The following CENPW variants were observed in gnomAD, a reference collection of about 807,000 sequenced individuals.
CENPW encodes cancer-up-regulated gene 2 protein.
Under a neutral mutation model 11.1 loss-of-function variants are expected in CENPW, and 3 were observed. That is an observed-to-expected ratio of 0.27 (90% CI 0.12 to 0.70). CENPW has a LOEUF of 0.70. CENPW is among the 30% of genes least tolerant of loss of function. The probability of loss-of-function intolerance (pLI) is 0.77; values close to 1 mark genes in which losing one functional copy is unlikely to be tolerated. For synonymous variants in CENPW, 38 were observed against 42.0 expected, an observed-to-expected ratio of 0.91 and a Z score of 0.37; for missense variants, 100 against 105.6, an observed-to-expected ratio of 0.95 and a Z score of 0.23.
At chr6:126,383,219 A>T in the CENPW span, among the ~76,000 whole-genome samples, 8 of 152,324 alleles carry the variant, frequency 5.3e-5, no homozygotes, top group East Asian at 1.5e-3. Flanking sequence ...TCAGACAAGC[A>T]AATTCTGAGG....
the CENPW span, among the ~76,000 whole-genome samples, chr6:126,418,837 A>T: frequency 6.7e-6 from 1 of 149,594 alleles, no homozygotes; most frequent in Non-Finnish European, 1.5e-5. Context: ...AAGGACAAAA[A>T]GCCGAACACC....
chr6:126,430,262 G>C, the CENPW span, among the ~76,000 whole-genome samples: 1 of 152,116 alleles, frequency 6.6e-6, no homozygotes, highest in East Asian at 1.9e-4. Flanking sequence ...TTACAAACAA[G>C]TGATGAAGGG....
the CENPW span, among the ~76,000 whole-genome samples, chr6:126,406,859 A>G: frequency 6.6e-6 from 1 of 152,094 alleles, no homozygotes; most frequent in African/African-American, 2.4e-5. Context: ...CCTGGAAAAA[A>G]AAAAAAAAGT....
the CENPW span, among the ~76,000 whole-genome samples, chr6:126,414,799 T>C: frequency 1.0e-4 from 15 of 146,566 alleles, no homozygotes; most frequent in African/African-American, 3.8e-4. Flanking sequence ...AAAATAAAAC[T>C]AAAAAAAAAG....
the CENPW span, among the ~76,000 whole-genome samples, chr6:126,462,576 T>A: frequency 6.6e-6 from 1 of 150,702 alleles, no homozygotes; most frequent in Non-Finnish European, 1.5e-5. Context: ...TCTCTTACTC[T>A]CTTTCTTGCT....
chr6:126,374,812 A>G, the CENPW span, among the ~76,000 whole-genome samples: 25 of 152,348 alleles, frequency 1.6e-4, no homozygotes, highest in Non-Finnish European at 2.6e-4. Context: ...TACTAGCTAT[A>G]TGAGTAGCTC....
the CENPW span, among the ~76,000 whole-genome samples, chr6:126,369,440 A>T: frequency 2.0e-5 from 3 of 152,220 alleles, no homozygotes; most frequent in African/African-American, 7.2e-5. Context: ...TTGCCAACAT[A>T]CATTTTTTTA....
chr6:126,370,577 T>G, the CENPW span, among the ~76,000 whole-genome samples: 1 of 152,244 alleles, frequency 6.6e-6, no homozygotes, highest in African/African-American at 2.4e-5. Context: ...GTCATGTTGG[T>G]GTGTAGCAGA....
chr6:126,387,236 T>G, the CENPW span, among the ~76,000 whole-genome samples: 63 of 151,942 alleles, frequency 4.1e-4, no homozygotes, highest in African/African-American at 1.5e-3. Context: ...GGATATGAAA[T>G]CTACATATCT....
the CENPW span, among the ~76,000 whole-genome samples, chr6:126,448,225 C>A: frequency 1.3e-5 from 2 of 151,000 alleles, no homozygotes; most frequent in African/African-American, 4.8e-5. Context: ...GGATCTCTAG[C>A]GGTGCAGCCC....
At chr6:126,472,879 A>G in the CENPW span, among the ~76,000 whole-genome samples, 75 of 152,318 alleles carry the variant, frequency 4.9e-4, no homozygotes, top group African/African-American at 1.7e-3. Flanking sequence ...TTTAATTTCT[A>G]TATCCTTAAC....
chr6:126,356,905 G>C, the CENPW span, among the ~76,000 whole-genome samples: 1 of 152,090 alleles, frequency 6.6e-6, no homozygotes, highest in Non-Finnish European at 1.5e-5. Flanking sequence ...TGTTTACTCT[G>C]TTTATAGTTT....
the CENPW span, among the ~76,000 whole-genome samples, chr6:126,412,203 G>A: frequency 6.6e-6 from 1 of 150,922 alleles, no homozygotes; most frequent in South Asian, 2.1e-4. Context: ...GCCCAAGCTG[G>A]TCTTGAACTC....
the CENPW span, among the ~76,000 whole-genome samples, chr6:126,437,843 A>G: frequency 3.9e-5 from 6 of 151,994 alleles, no homozygotes; most frequent in South Asian, 1.2e-3. Context: ...ACCCAAAACA[A>G]AATGAAATCA....
the CENPW span, among the ~76,000 whole-genome samples, chr6:126,423,466 T>A: frequency 2.0e-5 from 3 of 152,140 alleles, no homozygotes; most frequent in Non-Finnish European, 2.9e-5. Flanking sequence ...TCAACAGCAT[T>A]TTTTAGGCAA....
At chr6:126,397,266 T>C in the CENPW span, among the ~76,000 whole-genome samples, 4 of 152,114 alleles carry the variant, frequency 2.6e-5, no homozygotes, top group Non-Finnish European at 5.9e-5. Context: ...CTAGGGCTAG[T>C]CTAAATGTTC....
downstream of CENPW, among the ~76,000 whole-genome samples, chr6:126,352,171 CAT>C (rs1780499181): frequency 6.6e-6 from 1 of 152,152 alleles, no homozygotes; most frequent in Non-Finnish European, 1.5e-5. Flanking sequence ...CACAGGCACA[CAT>C]GTGCTGCTTA....
chr6:126,386,980 T>G, the CENPW span, among the ~76,000 whole-genome samples: 3 of 152,046 alleles, frequency 2.0e-5, no homozygotes, highest in Non-Finnish European at 4.4e-5. Flanking sequence ...TAAAAATAAT[T>G]TACTACAAAT....
the CENPW span, among the ~76,000 whole-genome samples, chr6:126,416,595 G>C: frequency 6.6e-6 from 1 of 152,280 alleles, no homozygotes; most frequent in East Asian, 1.9e-4. Context: ...GCTGTGTGCA[G>C]CCTAGGGACT....
Sources: gnomAD v4.1 joint callset for allele counts (sites outside exome capture counted in the v4.1 genomes callset) on GRCh38, gnomAD v4.1.1 for gene constraint, MANE v1.5 for transcripts, NCBI Gene and HGNC (gene_info 2026-07-23, HGNC 2026-07-21) for gene names.